SLC19A1: variants seen among roughly 807,000 people sequenced by gnomAD.
The protein encoded by SLC19A1 is reduced folate transporter.
SLC19A1 carries 37 observed loss-of-function variants against 35.3 expected under a neutral mutation model. That is an observed-to-expected ratio of 1.05 (90% CI 0.81 to 1.38). The LOEUF (loss-of-function observed/expected upper bound fraction) is 1.38. SLC19A1 is among the 40% of genes most tolerant of loss of function. The pLI, the probability that SLC19A1 is intolerant of heterozygous loss-of-function variation, is 0.00. For missense variants in SLC19A1, 831 were observed against 826.9 expected (o/e 1.00, Z -0.06); for synonymous variants, 460 against 398.5 (o/e 1.15, Z -1.84).
At chr21:45,508,088 G>T (rs1332520371), downstream of SLC19A1, among the ~76,000 whole-genome samples, 1 of 146,168 alleles carries the variant, frequency 6.8e-6, no homozygotes, top group Non-Finnish European at 1.5e-5. Context: ...GGACAGGTGG[G>T]TGAGTGGATG....
Position 45,531,811 on chromosome 21 carries a change from G to A in SLC19A1, c.527C>T (p.Thr176Ile). The A allele has an allele frequency of 1.3e-6, 2 of 1,592,540 alleles. No homozygotes were observed. The highest frequency in any genetic ancestry group is 1.7e-6 in the Non-Finnish European group (2 of 1,170,050). The stretch of plus-strand genomic sequence containing the variant: ...CGTGGAGAAGGAGACTCGGCCCACA[G>A]TGACCAGCAGCTGGCCCAGCACGGA... ...TSSVLGQLLV[T>I]VGRVSFSTLN... The change falls in exon 3 of 6, where the codon ACT becomes ATT. Residue 176 changes from threonine (T) to isoleucine (I), a missense_variant. Physicochemically the swap from Thr to Ile is moderately conservative, Grantham distance 89. Transcript: ENST00000311124.
intron 1 of SLC19A1, among the ~76,000 whole-genome samples, chr21:45,556,847 C>T (rs367707174): frequency 2.0e-5 from 3 of 152,194 alleles, no homozygotes; most frequent in African/African-American, 7.2e-5. Context: ...GCCGGGGCTT[C>T]CTGGGGGCCC....
At chr21:45,506,148 T>A in intron 3 of SLC19A1, 3 of 872,804 alleles carry the variant, frequency 3.4e-6, no homozygotes, top group African/African-American at 1.7e-5. Context: ...GTTTTGGGTT[T>A]AAAGAAAAGT....
chr21:45,513,810 C>G lies in SLC19A1; in HGVS notation c.*1848G>C, dbSNP rs1408001906. On this transcript the variant is annotated 3_prime_UTR_variant, in exon 6 of 6. Transcript: ENST00000311124. ...GGAGTCTTTTATCCCTGGACTGCCCCACTGGCAGATCCCGAGTGTGCACAG... is the reference window on the plus strand; with the variant it reads ...GGAGTCTTTTATCCCTGGACTGCCCGACTGGCAGATCCCGAGTGTGCACAG... The G allele has an allele frequency of 6.6e-6, 1 of 152,256 alleles. No homozygotes were observed. Among genetic ancestry groups the G allele is most frequent in the African/African-American group, 2.4e-5 (1 of 41,468 alleles). 9.4% of individuals were successfully genotyped at this position (152,256 alleles called of 1,614,324 possible). A position where few individuals can be genotyped will look rare whatever the true frequency, so the allele number is the denominator to read the frequency against.
downstream of SLC19A1, chr21:45,510,027 G>A (rs566863544): frequency 2.7e-4 from 419 of 1,536,388 alleles, no homozygotes; most frequent in African/African-American, 4.5e-4. Flanking sequence ...AGGGGGCAGC[G>A]TGGGACACAG....
chr21:45,532,024 G>T lies in SLC19A1; in HGVS notation c.314C>A (p.Ser105Ter). 2 of 1,611,626 alleles carry T rather than the reference G, an allele frequency of 1.2e-6. No homozygotes were observed. The highest frequency in any genetic ancestry group is 1.7e-6 in the Non-Finnish European group (2 of 1,179,872). The change falls in exon 3 of 6, where the codon TCG becomes TAG. Residue 105 changes from serine (S) to a stop codon, truncating the protein, a stop_gained. Coordinates refer to ENST00000311124, the MANE Select transcript of SLC19A1 (RefSeq NM_194255.4). LOFTEE classifies it high-confidence loss of function. ...VLLLQGLSFV[S>*]VWLLLLLGHS... ...GCCCAGCAGCAGCAGCAGCCACACC[G>T]ACACGAAGCTGAGCCCCTGCAGCAG... is the stretch of plus-strand genomic sequence containing the variant.
chr21:45,536,472 G>A (rs3827265), intron 2 of SLC19A1: 76,744 of 152,270 alleles, frequency 0.5, 20,208 homozygotes, highest in South Asian at 0.59. Context: ...TGGCTCCGCC[G>A]CTCCAGCCCC....
downstream of SLC19A1, among the ~76,000 whole-genome samples, chr21:45,512,019 AC>A (rs1568956591): frequency 6.6e-6 from 1 of 152,086 alleles, no homozygotes; most frequent in Non-Finnish European, 1.5e-5. Flanking sequence ...AGCCCCCTCC[AC>A]AGGCAGCCAG....
Position 45,517,181 on chromosome 21 carries a change from GA to G in SLC19A1, c.1294-1042del, listed in dbSNP as rs1294624612. 1.3e-5 allele frequency among the ~76,000 whole-genome samples: 2 copies of G among 152,186 alleles called. No homozygotes were observed. The highest frequency in any genetic ancestry group is 2.1e-4 in the South Asian group (1 of 4,832). The stretch of plus-strand genomic sequence containing the variant: ...TTTTCACCTCAGATATTTTGAAACT[GA>G]AGAAGGCAGCAGGCTGGAAAAGACA... On this transcript the variant is annotated intron_variant, in intron 5 of 5. Coordinates refer to ENST00000311124, the MANE Select transcript of SLC19A1 (RefSeq NM_194255.4). The surrounding 1 kb of genome is among the most constrained non-coding windows in gnomAD (Gnocchi z 4.4).
chr21:45,511,680 C>T (rs2037617550), downstream of SLC19A1, among the ~76,000 whole-genome samples: 3 of 152,124 alleles, frequency 2.0e-5, no homozygotes, highest in South Asian at 6.2e-4. Context: ...CCCACGTGAG[C>T]GCCGCGATTC....
downstream of SLC19A1, chr21:45,512,291 GCCT>G: frequency 6.2e-7 from 1 of 1,612,230 alleles, no homozygotes; most frequent in Non-Finnish European, 8.5e-7. Flanking sequence ...CACGGGCCAG[GCCT>G]CCTCGCTGCT....
chr21:45,555,151 AG>A (rs1462336013), intron 1 of SLC19A1, among the ~76,000 whole-genome samples: 1 of 58,934 alleles, frequency 1.7e-5, no homozygotes, highest in African/African-American at 7.6e-5. Flanking sequence ...GGGGCGGTGC[AG>A]GGGGCGGCGG....
downstream of SLC19A1, chr21:45,512,157 G>A (rs2037649346): frequency 6.3e-7 from 1 of 1,596,680 alleles, no homozygotes; most frequent in Non-Finnish European, 8.5e-7. Flanking sequence ...AGCAGGTCTG[G>A]GTTTGACTGA....
In SLC19A1 at chr21:45,532,103, C is replaced by T. The variant is rs1310333627; in HGVS notation, c.235G>A (p.Val79Met). 1.5e-5 allele frequency: 24 copies of T among 1,611,400 alleles called. No homozygotes were observed. The highest frequency in any genetic ancestry group is 2.2e-5 in the East Asian group (1 of 44,850). ...TPVLSYSYLAVLVPVFLLTDY... is the reference protein window; with the variant it reads ...TPVLSYSYLAMLVPVFLLTDY... ...GTGAGCAGGAACACGGGCACCAGCA[C>T]GGCCAGGTAGGAGTACGACAGCACC... The change falls in exon 3 of 6, where the codon GTG becomes ATG. Residue 79 changes from valine (V) to methionine (M), a missense_variant. Coordinates refer to ENST00000311124, the MANE Select transcript of SLC19A1 (RefSeq NM_194255.4).
chr21:45,537,084 C>T (rs1224233784), intron 2 of SLC19A1, among the ~76,000 whole-genome samples: 1 of 152,188 alleles, frequency 6.6e-6, no homozygotes, highest in African/African-American at 2.4e-5. Context: ...GGTAAATAGC[C>T]ACTAAGTCTC....
intron 4 of SLC19A1, among the ~76,000 whole-genome samples, chr21:45,527,810 C>G (rs1280124401): frequency 6.7e-6 from 1 of 149,806 alleles, no homozygotes; most frequent in Admixed American, 6.6e-5. Flanking sequence ...TGGAGGTGAG[C>G]GGTGGCATGA....
Position 45,515,029 on chromosome 21 carries a change from G to C in SLC19A1, c.*629C>G. 2 of 1,542,102 alleles carry C rather than the reference G, an allele frequency of 1.3e-6. No individual in the cohort carries two copies. The highest frequency in any genetic ancestry group is 2.5e-5 in the East Asian group (1 of 40,802). The stretch of plus-strand genomic sequence containing the variant: ...ACAGGACCATGGAGGGCTGCCCTTA[G>C]GGTGGGAGAGAGGAACCAGCTCCGA... On this transcript the variant is annotated 3_prime_UTR_variant, in exon 6 of 6. Transcript: ENST00000311124.
intron 1 of SLC19A1, among the ~76,000 whole-genome samples, chr21:45,550,412 C>T (rs904601900): frequency 6.6e-5 from 10 of 152,230 alleles, no homozygotes; most frequent in African/African-American, 2.4e-4. Context: ...CATGGGCCAC[C>T]TGCCACCCCG....
At chr21:45,508,005 A>G (rs1426073243), downstream of SLC19A1, among the ~76,000 whole-genome samples, 1 of 150,562 alleles carries the variant, frequency 6.6e-6, no homozygotes, top group East Asian at 1.9e-4. Flanking sequence ...AGGTGGATGG[A>G]TGGATGGGTG....
Sources: allele counts gnomAD v4.1 joint callset (sites outside exome capture counted in the v4.1 genomes callset), GRCh38; gene constraint gnomAD v4.1.1; non-coding constraint Gnocchi (gnomAD v3.1); transcripts MANE v1.5; gene names NCBI Gene and HGNC (gene_info 2026-07-23, HGNC 2026-07-21).